Variants in PRKG1 observed in about 807,000 individuals in gnomAD.
PRKG1 encodes protein kinase cGMP-dependent 1.
PRKG1 carries 35 observed loss-of-function variants against 88.1 expected under a neutral mutation model. The observed-to-expected ratio is 0.40, with a 90% CI of 0.30 to 0.53. The LOEUF is 0.53. Among genes scored for constraint, PRKG1 ranks in the 20% least tolerant of loss-of-function variants. The probability of loss-of-function intolerance (pLI) is 0.59; values close to 1 mark genes in which losing one functional copy is unlikely to be tolerated. For missense variants in PRKG1, 540 were observed against 839.8 expected (o/e 0.64, Z 4.41); for synonymous variants, 303 against 292.5 (o/e 1.04, Z -0.37).
chr10:52,040,660 G>A (rs1455835949), intron 5 of PRKG1, among the ~76,000 whole-genome samples: 1 of 152,050 alleles, frequency 6.6e-6, no homozygotes, highest in Non-Finnish European at 1.5e-5. Flanking sequence ...CAATTTGGAT[G>A]ACTTTTGTTC....
intron 2 of PRKG1, among the ~76,000 whole-genome samples, chr10:51,261,384 G>A (rs1839700578): frequency 6.6e-6 from 1 of 152,156 alleles, no homozygotes; most frequent in South Asian, 2.1e-4. Flanking sequence ...AAGGAAAAAA[G>A]TACTCATCAC....
intron 1 of PRKG1, among the ~76,000 whole-genome samples, chr10:51,128,831 G>A (rs900027903): frequency 6.6e-6 from 1 of 152,170 alleles, no homozygotes; most frequent in Non-Finnish European, 1.5e-5. Flanking sequence ...TAATATTCAT[G>A]TCTCAAGCTT....
At chr10:51,088,058 T>G (rs186797772) in intron 1 of PRKG1, among the ~76,000 whole-genome samples, 5 of 152,304 alleles carry the variant, frequency 3.3e-5, no homozygotes, top group Admixed American at 3.3e-4. Context: ...AGCCACTGTA[T>G]CCAACCTCTA....
intron 11 of PRKG1, 141 bp downstream of exon 11, chr10:52,271,630 TG>T: frequency 1.1e-6 from 1 of 930,316 alleles, no homozygotes. Flanking sequence ...AAGAAAGTTT[TG>T]TTTGATTTCT....
chr10:52,079,290 G>GT lies in PRKG1; in HGVS notation c.935+16667dup, dbSNP rs1401171744. On this transcript the variant is annotated intron_variant, in intron 7 of 17. Transcript: ENST00000373980. ...TAGTTCATTCTATTAGATGTGCATG[G>GT]TTTTTTTTCATCATATCCCAGTATA... 5.3e-5 allele frequency among the ~76,000 whole-genome samples: 8 copies of GT among 151,744 alleles called. No individual in the cohort carries two copies. In the East Asian group the frequency reaches 7.8e-4, roughly 15 times the overall value.
At chr10:51,482,925 T>C (rs1237953708) in intron 3 of PRKG1, among the ~76,000 whole-genome samples, 1 of 152,132 alleles carries the variant, frequency 6.6e-6, no homozygotes, top group Non-Finnish European at 1.5e-5. Flanking sequence ...ATTGTTATAA[T>C]GTCTTCCTGT....
intron 2 of PRKG1, among the ~76,000 whole-genome samples, chr10:51,343,711 G>A (rs759430699): frequency 7.2e-5 from 11 of 152,184 alleles, no homozygotes; most frequent in Admixed American, 2.6e-4. Flanking sequence ...GGCAATATAT[G>A]TTTCTCTCAC....
At chr10:51,061,589 C>T (rs896860405) in intron 1 of PRKG1, among the ~76,000 whole-genome samples, 3 of 152,094 alleles carry the variant, frequency 2.0e-5, no homozygotes, top group Admixed American at 1.3e-4. Context: ...TCTGTCCTTT[C>T]GAGACTCCAA....
chr10:51,941,369 CTG>C (rs1373778167), intron 5 of PRKG1, among the ~76,000 whole-genome samples: 4 of 151,946 alleles, frequency 2.6e-5, no homozygotes, highest in African/African-American at 9.7e-5. Flanking sequence ...GTCTCAGTCA[CTG>C]TAAGAAATTC....
intron 8 of PRKG1, among the ~76,000 whole-genome samples, chr10:52,139,900 GGC>G (rs781441854): frequency 2.6e-4 from 39 of 152,066 alleles, no homozygotes; most frequent in Non-Finnish European, 5.0e-4. Flanking sequence ...AAATATTTTA[GGC>G]TCATGGGACA....
At chr10:51,865,708 G>A (rs191415568) in intron 4 of PRKG1, among the ~76,000 whole-genome samples, 6 of 152,106 alleles carry the variant, frequency 3.9e-5, no homozygotes, top group Middle Eastern at 3.4e-3. Flanking sequence ...CTCTGGACTG[G>A]CACTCAGGTC....
chr10:51,498,911 GA>G (rs112553242), intron 3 of PRKG1, among the ~76,000 whole-genome samples: 16,382 of 139,180 alleles, frequency 0.12, 1,166 homozygotes, highest in Admixed American at 0.21. Flanking sequence ...TACTCTGTCA[GA>G]AAAAAAAAAA....
chr10:51,594,031 A>AT (rs891984997), intron 3 of PRKG1, among the ~76,000 whole-genome samples: 37 of 150,262 alleles, frequency 2.5e-4, no homozygotes, highest in African/African-American at 5.1e-4. Context: ...TGTACCCCCC[A>AT]TTTTTTTTTA....
intron 2 of PRKG1, among the ~76,000 whole-genome samples, chr10:51,414,251 A>G (rs1838179309): frequency 6.6e-6 from 1 of 152,194 alleles, no homozygotes; most frequent in Non-Finnish European, 1.5e-5. Context: ...GCAAATGTGG[A>G]ACAAAAATGG....
chr10:51,044,977 TGTGCTATGATATTTTA>T (rs1843468512), intron 1 of PRKG1, among the ~76,000 whole-genome samples: 2 of 152,190 alleles, frequency 1.3e-5, no homozygotes, highest in Admixed American at 6.6e-5. Context: ...CTTATTAGGC[TGTGCTATGATATTTTA>T]GTGCATGTAT....
At chr10:51,940,711 G>A (rs567572269) in intron 5 of PRKG1, among the ~76,000 whole-genome samples, 3 of 151,856 alleles carry the variant, frequency 2.0e-5, no homozygotes, top group Admixed American at 1.3e-4. Flanking sequence ...GGACCTTCAA[G>A]CACCACTTCT....
intron 3 of PRKG1, among the ~76,000 whole-genome samples, chr10:51,580,323 TTTG>T (rs1837998147): frequency 6.6e-6 from 1 of 152,134 alleles, no homozygotes; most frequent in African/African-American, 2.4e-5. Context: ...TCACCCAAAT[TTTG>T]TTATTACAAA....
chr10:51,531,613 T>A (rs982608985), intron 3 of PRKG1, among the ~76,000 whole-genome samples: 3 of 151,464 alleles, frequency 2.0e-5, no homozygotes, highest in African/African-American at 7.3e-5. Flanking sequence ...AATAGAGACA[T>A]TGTTTCGGAC....
chr10:51,861,162 T>C (rs1473688878), intron 4 of PRKG1, among the ~76,000 whole-genome samples: 1 of 152,172 alleles, frequency 6.6e-6, no homozygotes, highest in East Asian at 1.9e-4. Flanking sequence ...TGGCAAACAT[T>C]CAAACCCTGT....
Sources: gnomAD v4.1 joint callset for allele counts (sites outside exome capture counted in the v4.1 genomes callset) on GRCh38, gnomAD v4.1.1 for gene constraint, MANE v1.5 for transcripts, NCBI Gene and HGNC (gene_info 2026-07-23, HGNC 2026-07-21) for gene names.